Variants in TM9SF2 observed in about 807,000 individuals in gnomAD.
TM9SF2 encodes 76 kDa membrane protein.
In TM9SF2, 13 loss-of-function variants were observed where a neutral mutation model predicts 84.9. The observed-to-expected ratio is 0.15, with a 90% confidence interval of 0.10 to 0.24. TM9SF2 has a LOEUF of 0.24. TM9SF2 is among the 10% of genes least tolerant of loss of function. The probability of loss-of-function intolerance (pLI) is 1.00; values close to 1 mark genes in which losing one functional copy is unlikely to be tolerated. For missense variants in TM9SF2, 562 were observed against 818.5 expected, an observed-to-expected ratio of 0.69 and a Z score of 3.82; for synonymous variants, 273 against 285.8, an observed-to-expected ratio of 0.96 and a Z score of 0.45.
At chr13:99,530,862 A>AT (rs879431434) in intron 4 of TM9SF2, among the ~76,000 whole-genome samples, 1,996 of 144,790 alleles carry the variant, frequency 0.014, 29 homozygotes, top group African/African-American at 0.038. Context: ...CAAACATAGA[A>AT]TTTTTTTTTT....
chr13:99,555,689 T>C (rs368080993), intron 15 of TM9SF2, 42 bp downstream of exon 15: 1 of 1,382,010 alleles, frequency 7.2e-7, no homozygotes, highest in East Asian at 2.3e-5. Context: ...TTGTAGACAG[T>C]AACTTTGGCA....
chr13:99,511,369 A>G (rs1020720082), intron 1 of TM9SF2, among the ~76,000 whole-genome samples: 9 of 152,214 alleles, frequency 5.9e-5, no homozygotes, highest in African/African-American at 2.2e-4. Flanking sequence ...TTATTGAACT[A>G]TATAAACTCC....
intron 6 of TM9SF2, among the ~76,000 whole-genome samples, chr13:99,538,477 TTCA>T (rs1207703655): frequency 6.6e-6 from 1 of 152,080 alleles, no homozygotes; most frequent in Non-Finnish European, 1.5e-5. Flanking sequence ...GCAGTTAAAC[TTCA>T]TCAGTATTTT....
At chr13:99,529,327 GA>G (rs747573889) in intron 3 of TM9SF2, 139 bp from the exon 4 acceptor site, 1 of 652,168 alleles carries the variant, frequency 1.5e-6, no homozygotes, top group Non-Finnish European at 2.3e-6. Context: ...GAGCTATGAG[GA>G]ATTTAAAAAT....
At chr13:99,547,222 T>A in intron 11 of TM9SF2, 118 bp downstream of exon 11, 3 of 1,400,242 alleles carry the variant, frequency 2.1e-6, no homozygotes, top group Non-Finnish European at 2.9e-6. Context: ...TAGGGGTCTG[T>A]TCTTAGTTAA....
intron 1 of TM9SF2, among the ~76,000 whole-genome samples, chr13:99,511,593 C>T (rs929494083): frequency 1.3e-5 from 2 of 152,196 alleles, no homozygotes; most frequent in African/African-American, 4.8e-5. Context: ...ATTGACTTCA[C>T]ATTCCTCAGC....
intron 1 of TM9SF2, among the ~76,000 whole-genome samples, chr13:99,503,261 A>G (rs1319724043): frequency 1.3e-5 from 2 of 152,202 alleles, no homozygotes; most frequent in Non-Finnish European, 2.9e-5. Context: ...GATGAAAAAT[A>G]TATTTCCTGC....
intron 4 of TM9SF2, among the ~76,000 whole-genome samples, chr13:99,529,960 T>A (rs572810836): frequency 3.9e-5 from 6 of 152,308 alleles, no homozygotes; most frequent in Non-Finnish European, 8.8e-5. Flanking sequence ...AAAGTTTTTC[T>A]TGGTTTCCCA....
At chr13:99,559,726 G>A (rs2046336852) in intron 16 of TM9SF2, among the ~76,000 whole-genome samples, 192 bp downstream of exon 16, 1 of 152,100 alleles carries the variant, frequency 6.6e-6, no homozygotes. Context: ...AGAAGCTGGG[G>A]AAGAAGGCTA....
intron 4 of TM9SF2, among the ~76,000 whole-genome samples, chr13:99,534,332 C>T (rs1433976396): frequency 6.6e-6 from 1 of 152,184 alleles, no homozygotes; most frequent in Non-Finnish European, 1.5e-5. Flanking sequence ...GAATGATGTG[C>T]TGTTTTCAAA....
chr13:99,520,170 T>C (rs775997705), intron 3 of TM9SF2, 41 bp downstream of exon 3: 2 of 1,526,350 alleles, frequency 1.3e-6, no homozygotes, highest in African/African-American at 2.8e-5. Context: ...TACTTACAGC[T>C]TTTGTTTTTG....
intron 10 of TM9SF2, among the ~76,000 whole-genome samples, chr13:99,544,699 C>T (rs912543980): frequency 3.3e-5 from 5 of 152,074 alleles, no homozygotes; most frequent in African/African-American, 1.2e-4. Context: ...AGGGATGGGG[C>T]AGGAAGCACT....
Position 99,529,482 on chromosome 13 carries a change from A to G in TM9SF2, c.349A>G (p.Lys117Glu), listed in dbSNP as rs1340937126. 29 of 1,571,746 alleles carry G rather than the reference A, an allele frequency of 1.8e-5. No individual in the cohort carries two copies. Among genetic ancestry groups the G allele is most frequent in the African/African-American group, 2.8e-5 (2 of 72,130 alleles). ...PSPYKFTFNK[K>E]ETCKLVCTKT... ...TTTAATACAGTTTACGTTTAATAAG[A>G]AGGAGACCTGTAAGCTTGTTTGTAC... is the stretch of plus-strand genomic sequence containing the variant. The change falls in exon 4 of 17, where the codon AAG becomes GAG. Residue 117 changes from lysine (K) to glutamate (E), a missense_variant. Physicochemically the swap from Lys to Glu is moderately conservative, Grantham distance 56. This residue lies in a region of TM9SF2 where 267 missense variants were observed against 316.7 expected (regional missense o/e 0.84). Coordinates refer to ENST00000376387, the MANE Select transcript of TM9SF2 (RefSeq NM_004800.3).
At chr13:99,507,698 T>C (rs147049667) in intron 1 of TM9SF2, among the ~76,000 whole-genome samples, 178 of 152,306 alleles carry the variant, frequency 1.2e-3, no homozygotes, top group African/African-American at 4.2e-3. Flanking sequence ...AAGGCGCCAC[T>C]GTGGACTGCT....
intron 4 of TM9SF2, among the ~76,000 whole-genome samples, chr13:99,533,803 T>C (rs1379752159): frequency 6.6e-6 from 1 of 152,130 alleles, no homozygotes; most frequent in East Asian, 1.9e-4. Flanking sequence ...CCTGAGTAGC[T>C]GGGACTGCAG....
chr13:99,541,717 T>C (rs1047105050), intron 9 of TM9SF2, 50 bp downstream of exon 9: 3 of 1,265,754 alleles, frequency 2.4e-6, no homozygotes, highest in Admixed American at 2.4e-5. Flanking sequence ...CTGTTTATTG[T>C]TATTTTGCAA....
intron 7 of TM9SF2, among the ~76,000 whole-genome samples, chr13:99,540,191 A>G (rs993522093): frequency 6.6e-6 from 1 of 152,084 alleles, no homozygotes; most frequent in African/African-American, 2.4e-5. Context: ...GCAGTGTTCC[A>G]ACTCTATTTT....
chr13:99,547,696 A>C (rs1309879790), intron 11 of TM9SF2, among the ~76,000 whole-genome samples: 1 of 152,232 alleles, frequency 6.6e-6, no homozygotes, highest in East Asian at 1.9e-4. Context: ...GCTCACGGCC[A>C]CAGAGTAAGG....
intron 3 of TM9SF2, among the ~76,000 whole-genome samples, chr13:99,525,625 G>A (rs921138702): frequency 2.0e-5 from 3 of 148,230 alleles, no homozygotes; most frequent in Non-Finnish European, 3.0e-5. Flanking sequence ...GCGTGATCTC[G>A]GCTTACTGCA....
Sources: gnomAD v4.1 joint callset for allele counts (sites outside exome capture counted in the v4.1 genomes callset) on GRCh38, gnomAD v4.1.1 for gene constraint, gnomAD v4.1.1 regional missense constraint, MANE v1.5 for transcripts, NCBI Gene and HGNC (gene_info 2026-07-23, HGNC 2026-07-21) for gene names.